The following CPN2 variants were observed in gnomAD, a reference collection of about 807,000 sequenced individuals.
CPN2 encodes the protein carboxypeptidase N subunit 2.
For missense variants in CPN2, 620 were observed against 671.4 expected, an observed-to-expected ratio of 0.92 and a Z score of 0.85; for synonymous variants, 336 against 318.4, an observed-to-expected ratio of 1.06 and a Z score of -0.59.
chr3:194,342,738 G>C, intron 1 of CPN2, 33 bp from the exon 2 acceptor site: 1 of 945,072 alleles, frequency 1.1e-6, no homozygotes, highest in African/African-American at 1.6e-5. Flanking sequence ...AACAGGAAGA[G>C]AAACTTGATC....
At chr3:194,348,291 C>A (rs1327783351) in intron 1 of CPN2, among the ~76,000 whole-genome samples, 1 of 135,862 alleles carries the variant, frequency 7.4e-6, no homozygotes, top group Non-Finnish European at 1.6e-5. Context: ...CACCCTCTGC[C>A]CAGTTCATCC....
rs769942029 is a variant in CPN2, at chr3:194,350,018, T to C, written c.-4+1224A>G. 2.0e-5 allele frequency among the ~76,000 whole-genome samples: 3 copies of C among 152,064 alleles called. No individual in the cohort carries two copies. The South Asian group carries it at 6.2e-4, about 32-fold the overall frequency. ...GGTTTCACTGTGTTGGCCAGGCTGGTCTCGAACTCCTGACCTCAGGTGATC... is the reference window on the plus strand; with the variant it reads ...GGTTTCACTGTGTTGGCCAGGCTGGCCTCGAACTCCTGACCTCAGGTGATC... On this transcript the variant is annotated intron_variant, in intron 1 of 1. Transcript: ENST00000323830.
intron 1 of CPN2, among the ~76,000 whole-genome samples, chr3:194,345,789 C>T (rs888136370): frequency 5.3e-5 from 8 of 152,322 alleles, no homozygotes; most frequent in African/African-American, 1.7e-4. Context: ...ATGGAATGCT[C>T]GAGCCCACTG....
intron 1 of CPN2, among the ~76,000 whole-genome samples, chr3:194,345,519 T>C (rs759021750): frequency 6.6e-6 from 1 of 152,212 alleles, no homozygotes; most frequent in Non-Finnish European, 1.5e-5. Context: ...TGCCATAATA[T>C]GATCATTATG....
chr3:194,341,033 G>A lies in CPN2; in HGVS notation c.*32C>T. 1.3e-6 allele frequency: 2 copies of A among 1,553,082 alleles called. No individual in the cohort carries two copies. The highest frequency in any genetic ancestry group is 1.7e-6 in the Non-Finnish European group (2 of 1,148,122). On this transcript the variant is annotated 3_prime_UTR_variant, in exon 2 of 2. Transcript: ENST00000323830. ...CCTGTCGCCTGGTCAGGCCCCAGAG[G>A]CCCCCTTCCCCAGCTCCTGTATGCG...
chr3:194,345,162 TG>T (rs1207464534), intron 1 of CPN2, among the ~76,000 whole-genome samples: 2 of 152,200 alleles, frequency 1.3e-5, no homozygotes, highest in Non-Finnish European at 2.9e-5. Context: ...TGACTTCCTT[TG>T]GGCTCAGGCA....
In CPN2 at chr3:194,340,996, C is replaced by T; in HGVS notation, c.*69G>A. 1.3e-6 allele frequency: 2 copies of T among 1,488,046 alleles called. No individual in the cohort carries two copies. Among genetic ancestry groups the T allele is most frequent in the Admixed American group, 2.3e-5 (1 of 43,550 alleles). The allele number at this position is 1,488,046 out of a possible 1,614,324, so 92.2% of individuals were successfully genotyped here. On this transcript the variant is annotated 3_prime_UTR_variant, in exon 2 of 2. Transcript: ENST00000323830. ...GCCAAGGCTTCGGAGACTCAGCTCCCCTCCGCCCCTACCTGTCGCCTGGTC... is the reference window on the plus strand; with the variant it reads ...GCCAAGGCTTCGGAGACTCAGCTCCTCTCCGCCCCTACCTGTCGCCTGGTC...
Position 194,340,849 on chromosome 3 carries a change from G to T in CPN2, c.*216C>A. 1 of 675,528 alleles carries T rather than the reference G, an allele frequency of 1.5e-6. No homozygotes were observed. Among genetic ancestry groups the T allele is most frequent in the Non-Finnish European group, 2.3e-6 (1 of 429,736 alleles). 41.8% of individuals were successfully genotyped at this position (675,528 alleles called of 1,614,324 possible). A position where few individuals can be genotyped will look rare whatever the true frequency, so the allele number is the denominator to read the frequency against. ...CTTTGCAAGGCATAAGGATGGCCTTGTTAGGCCGCACACTCCAGGAGAAGC... is the reference window on the plus strand; with the variant it reads ...CTTTGCAAGGCATAAGGATGGCCTTTTTAGGCCGCACACTCCAGGAGAAGC... On this transcript the variant is annotated 3_prime_UTR_variant, in exon 2 of 2. Coordinates refer to ENST00000323830, the MANE Select transcript of CPN2 (RefSeq NM_001080513.4).
At position 194,341,759 on chromosome 3, in the gene CPN2, AG is replaced by A. The variant is rs1460543821; in HGVS notation, c.943del (p.Leu315CysfsTer59). Reference protein sequence around the residue: ...AEGTFAHLSNLRSLMLSYNAI... With the variant: ...AEGTFAHLSNXRSLMLSYNAI... The stretch of plus-strand genomic sequence containing the variant: ...ATTGTATGAGAGCATGAGGGAACGC[AG>A]GTTGGACAGGTGGGCAAAGGTGCCC... On this transcript the variant is annotated frameshift_variant, in exon 2 of 2. Coordinates refer to ENST00000323830, the MANE Select transcript of CPN2 (RefSeq NM_001080513.4). LOFTEE classifies it low-confidence loss of function (END_TRUNC). The A allele has an allele frequency of 2.5e-6, 4 of 1,613,998 alleles. No individual in the cohort carries two copies. The highest frequency in any genetic ancestry group is 3.4e-6 in the Non-Finnish European group (4 of 1,180,024).
rs771025061 is a variant in CPN2, at chr3:194,342,569, A to G, written c.134T>C (p.Leu45Pro). Residue 45 changes from leucine (L) to proline (P), a missense_variant, in exon 2 of 2, where the codon CTG (leucine) becomes CCG (proline). Coordinates refer to ENST00000323830, the MANE Select transcript of CPN2 (RefSeq NM_001080513.4). ...GTTTTTCGTATATGGCGGGATGTCC[A>G]GTGGGACGGTGGCAAGCTCCTCATC... ...CSDEELATVP[L>P]DIPPYTKNII... 10 of 1,614,016 alleles carry G rather than the reference A, an allele frequency of 6.2e-6. No homozygotes were observed. The South Asian group carries it at 1.1e-4, about 18-fold the overall frequency.
intron 1 of CPN2, among the ~76,000 whole-genome samples, chr3:194,348,734 T>C (rs1713149100): frequency 6.6e-6 from 1 of 151,664 alleles, no homozygotes. Context: ...CTTCAAAAAA[T>C]TATAAAAATT....
Position 194,340,979 on chromosome 3 carries a change from T to C in CPN2, c.*86A>G. On this transcript the variant is annotated 3_prime_UTR_variant, in exon 2 of 2. Transcript: ENST00000323830. ...TCCCTTGCATGTGAAAAGCCAAGGC[T>C]TCGGAGACTCAGCTCCCCTCCGCCC... 2 of 1,454,354 alleles carry C rather than the reference T, an allele frequency of 1.4e-6. No homozygotes were observed. Among genetic ancestry groups the C allele is most frequent in the Non-Finnish European group, 1.8e-6 (2 of 1,105,852 alleles). 90.1% of individuals were successfully genotyped at this position (1,454,354 alleles called of 1,614,324 possible).
In CPN2 at chr3:194,341,549, T is replaced by C; in HGVS notation, c.1154A>G (p.Tyr385Cys). 2 of 1,614,104 alleles carry C rather than the reference T, an allele frequency of 1.2e-6. No homozygotes were observed. Among genetic ancestry groups the C allele is most frequent in the Non-Finnish European group, 1.7e-6 (2 of 1,179,970 alleles). The change falls in exon 2 of 2, where the codon TAC (tyrosine) becomes TGC (cysteine). Residue 385 changes from tyrosine (Y) to cysteine (C), a missense_variant. Transcript: ENST00000323830. Reference protein sequence around the residue: ...TLPEGIFDTNYNLFNLALHGN... With the variant: ...TLPEGIFDTNCNLFNLALHGN... ...GTGCAGGGCCAGGTTGAACAGGTTG[T>C]AGTTGGTGTCGAAGATGCCCTCCGG...
chr3:194,342,093 C>A lies in CPN2; in HGVS notation c.610G>T (p.Ala204Ser), dbSNP rs763677243. 1.2e-6 allele frequency: 2 copies of A among 1,613,974 alleles called. No individual in the cohort carries two copies. The highest frequency in any genetic ancestry group is 4.5e-5 in the East Asian group (2 of 44,876). The change falls in exon 2 of 2, where the codon GCG becomes TCG. Residue 204 changes from alanine (A) to serine (S), a missense_variant. By Grantham distance (99) the Ala-to-Ser change is moderately conservative (BLOSUM62 1). Coordinates refer to ENST00000323830, the MANE Select transcript of CPN2 (RefSeq NM_001080513.4). The stretch of plus-strand genomic sequence containing the variant: ...ACACCCTGGGGGAGACCAGAGAGCG[C>A]GTTGTTGCTCAGCTTCAGGGTCTGC... ...SLQTLKLSNN[A>S]LSGLPQGVFG...
intron 1 of CPN2, among the ~76,000 whole-genome samples, chr3:194,348,897 T>C (rs1362022970): frequency 1.3e-5 from 2 of 151,962 alleles, no homozygotes; most frequent in South Asian, 2.1e-4. Flanking sequence ...CTCAAAAAAA[T>C]AGAATAAAAG....
intron 1 of CPN2, among the ~76,000 whole-genome samples, chr3:194,350,720 G>A (rs770719078): frequency 3.3e-5 from 5 of 152,146 alleles, no homozygotes; most frequent in Non-Finnish European, 5.9e-5. Flanking sequence ...GCTGGGTGCT[G>A]TGGCATGCGC....
At position 194,342,253 on chromosome 3, in the gene CPN2, G is replaced by A. The variant is rs1257017817; in HGVS notation, c.450C>T (p.Leu150=). 1.9e-6 allele frequency: 3 copies of A among 1,613,936 alleles called. No homozygotes were observed. The highest frequency in any genetic ancestry group is 2.5e-6 in the Non-Finnish European group (3 of 1,179,938). Residue 150 remains leucine, a synonymous_variant, in exon 2 of 2, where the codon CTC becomes CTT. Transcript: ENST00000323830. ...LFQHLAALES[L]HLQGNQLQAL... ...CCTGGAGCTGGTTCCCCTGCAGGTG[G>A]AGGGACTCCAGGGCAGCCAGGTGCT...
chr3:194,346,418 C>T (rs1713048646), intron 1 of CPN2, among the ~76,000 whole-genome samples: 1 of 152,154 alleles, frequency 6.6e-6, no homozygotes, highest in African/African-American at 2.4e-5. Flanking sequence ...CCCCTCTTGC[C>T]TGGGTCTACT....
intron 1 of CPN2, among the ~76,000 whole-genome samples, chr3:194,349,797 T>C: frequency 1.2e-5 from 1 of 84,208 alleles, no homozygotes; most frequent in South Asian, 3.7e-4. Context: ...TTTTTTTTTT[T>C]TTTTTTTTTT....
Sources: gnomAD v4.1 joint callset for allele counts (sites outside exome capture counted in the v4.1 genomes callset) on GRCh38, gnomAD v4.1.1 for gene constraint, MANE v1.5 for transcripts, NCBI Gene and HGNC (gene_info 2026-07-23, HGNC 2026-07-21) for gene names.